LZIC: variants seen among roughly 807,000 people sequenced by gnomAD.
LZIC encodes leucine zipper and CTNNBIP1 domain containing.
In LZIC, 28 loss-of-function variants were observed where a neutral mutation model predicts 25.4. The ratio of observed to expected loss-of-function variants is 1.10; its 90% CI spans 0.82 to 1.51. LZIC has a LOEUF of 1.51. Among genes scored for constraint, LZIC ranks in the 40% most tolerant of loss-of-function variants. The pLI is 0.00. For synonymous variants in LZIC, 65 were observed against 70.7 expected (o/e 0.92, Z 0.40); for missense variants, 170 against 211.1 (o/e 0.81, Z 1.21).
At chr1:9,939,714 T>C (rs554956952) in intron 2 of LZIC, among the ~76,000 whole-genome samples, 56 of 152,306 alleles carry the variant, frequency 3.7e-4, no homozygotes, top group African/African-American at 1.3e-3. Flanking sequence ...TCTCGATAAC[T>C]GATAATGACT....
Position 9,935,611 on chromosome 1 carries a change from C to T in LZIC, c.118G>A (p.Asp40Asn), listed in dbSNP as rs777057071. The T allele has an allele frequency of 3.1e-6, 5 of 1,606,602 alleles. No homozygotes were observed. In the South Asian group the frequency reaches 5.6e-5, roughly 18 times the overall value. ...TCCTTTTTGGTTTCTTCATATTCAT[C>T]TGTATCAAGTTCCTCTCTGAAATAG... The part of the protein sequence containing the change: ...LEECREELDT[D>N]EYEETKKETL... The change falls in exon 4 of 8, where the codon GAT (aspartate) becomes AAT (asparagine). Residue 40 changes from aspartate to asparagine, a missense_variant. By Grantham distance (23) the Asp-to-Asn change is conservative. Transcript: ENST00000377223.
intron 7 of LZIC, 92 bp from the exon 8 acceptor site, chr1:9,930,549 T>C: frequency 6.5e-7 from 1 of 1,543,200 alleles, no homozygotes; most frequent in Non-Finnish European, 8.9e-7. Flanking sequence ...ATATAGATAT[T>C]AAAACAGAAA....
chr1:9,939,788 G>A (rs1042136912), intron 2 of LZIC, among the ~76,000 whole-genome samples: 1 of 152,028 alleles, frequency 6.6e-6, no homozygotes, highest in African/African-American at 2.4e-5. Flanking sequence ...TCTTCCAGAT[G>A]AATTTAACAA....
rs1293498268 is a variant in LZIC, at chr1:9,936,595, T to A, written c.25A>T (p.Thr9Ser). The A allele has an allele frequency of 6.2e-7, 1 of 1,613,250 alleles. No homozygotes were observed. The highest frequency in any genetic ancestry group is 1.1e-5 in the South Asian group (1 of 91,068). ...TCTAAATTCTGCTTTAATTTGCTTGTCTCTGTCTTTCCTCTGGAAGCCATT... is the reference window on the plus strand; with the variant it reads ...TCTAAATTCTGCTTTAATTTGCTTGACTCTGTCTTTCCTCTGGAAGCCATT... MASRGKTE[T>S]SKLKQNLEEQ... Residue 9 changes from threonine (T) to serine (S), a missense_variant, in exon 3 of 8, where the codon ACA (threonine) becomes TCA (serine). By Grantham distance (58) the Thr-to-Ser change is moderately conservative. Coordinates refer to ENST00000377223, the MANE Select transcript of LZIC (RefSeq NM_032368.5).
intron 7 of LZIC, among the ~76,000 whole-genome samples, chr1:9,931,571 C>T (rs536724450): frequency 2.6e-4 from 39 of 152,164 alleles, no homozygotes; most frequent in African/African-American, 7.7e-4. Context: ...CTTGGCCTCC[C>T]GCTTTTTAAT....
At chr1:9,932,736 G>T in intron 6 of LZIC, 67 bp downstream of exon 6, 2 of 759,146 alleles carry the variant, frequency 2.6e-6, no homozygotes, top group Non-Finnish European at 4.3e-6. Context: ...CTAGACCACA[G>T]ATCAAGATGT....
intron 4 of LZIC, 106 bp from the exon 5 acceptor site, chr1:9,934,966 G>C: frequency 1.2e-6 from 1 of 844,302 alleles, no homozygotes; most frequent in Non-Finnish European, 2.0e-6. Context: ...ACTGGTTCCT[G>C]TCATGGAAGC....
chr1:9,922,504 T>C (rs1358458424), downstream of LZIC: 6 of 179,314 alleles, frequency 3.3e-5, no homozygotes, highest in Non-Finnish European at 3.2e-5. Flanking sequence ...CCGAACCTAT[T>C]GAGGGCCTCT....
chr1:9,936,128 C>CAAA (rs5772391), intron 3 of LZIC, among the ~76,000 whole-genome samples: 1 of 131,978 alleles, frequency 7.6e-6, no homozygotes. Context: ...GACTCTGTCT[C>CAAA]AAAAAAAAAA....
At position 9,930,413 on chromosome 1, in the gene LZIC, T is replaced by C. The variant is rs776178658; in HGVS notation, c.559A>G (p.Lys187Glu). The change falls in exon 8 of 8, where the codon AAA becomes GAA. Residue 187 changes from lysine (K) to glutamate (E), a missense_variant. Coordinates refer to ENST00000377223, the MANE Select transcript of LZIC (RefSeq NM_032368.5). ...TCTGCACCATGTCATTTTTTTGTTT[T>C]TTCAACCTCAAAACTTGCCAGAGCA... ...ILALASFEVE[K>E]TKK 2 of 1,613,874 alleles carry C rather than the reference T, an allele frequency of 1.2e-6. No homozygotes were observed. The highest frequency in any genetic ancestry group is 2.2e-5 in the South Asian group (2 of 91,058).
At chr1:9,932,235 C>T (rs147742035) in intron 6 of LZIC, 1 of 316,736 alleles carries the variant, frequency 3.2e-6, no homozygotes, top group Non-Finnish European at 5.9e-6. Context: ...ATCCCAGCTA[C>T]TCAGGAGGAT....
chr1:9,934,802 G>C lies in LZIC; in HGVS notation c.296C>G (p.Ala99Gly). 6.2e-7 allele frequency: 1 copy of C among 1,614,062 alleles called. No individual in the cohort carries two copies. Among genetic ancestry groups the C allele is most frequent in the Non-Finnish European group, 8.5e-7 (1 of 1,179,970 alleles). Residue 99 changes from alanine (A) to glycine (G), a missense_variant, in exon 5 of 8, where the codon GCA becomes GGA. Transcript: ENST00000377223. ...FKTPEVIRLF[A>G]KKQPGQLRTR... ...CCGAAGCTGACCTGGTTGTTTCTTTGCAAACAATCTGATGACCTCTGGGGT... is the reference window on the plus strand; with the variant it reads ...CCGAAGCTGACCTGGTTGTTTCTTTCCAAACAATCTGATGACCTCTGGGGT...
intron 1 of LZIC, 116 bp downstream of exon 1, chr1:9,943,133 A>T (rs1039041729): frequency 9.7e-5 from 17 of 175,532 alleles, no homozygotes; most frequent in African/African-American, 4.0e-4. Context: ...ATCCCACCCC[A>T]CGCGGGAACT....
At position 9,931,954 on chromosome 1, in the gene LZIC, C is replaced by T. The variant is rs148388181; in HGVS notation, c.451G>A (p.Ala151Thr). The T allele has an allele frequency of 1.2e-5, 19 of 1,613,568 alleles. No individual in the cohort carries two copies. Among genetic ancestry groups the T allele is most frequent in the African/African-American group, 6.7e-5 (5 of 74,882 alleles). ...GCACCTGCATTTGCTGACAAGAAGG[C>T]CTCATCATCTGCAGTCAGCTAAACA... ...LGEKLTADDE[A>T]FLSANAGAIL... The change falls in exon 7 of 8, where the codon GCC (alanine) becomes ACC (threonine). Residue 151 changes from alanine to threonine, a missense_variant. Transcript: ENST00000377223.
Position 9,934,879 on chromosome 1 carries a change from A to C in LZIC, c.238-19T>G, listed in dbSNP as rs915260645. 2 of 1,559,780 alleles carry C rather than the reference A, an allele frequency of 1.3e-6. No homozygotes were observed. The highest frequency in any genetic ancestry group is 1.8e-6 in the Non-Finnish European group (2 of 1,131,556). On this transcript the variant is annotated intron_variant, in intron 4 of 7. Coordinates refer to ENST00000377223, the MANE Select transcript of LZIC (RefSeq NM_032368.5). ...GAATAGCCTAGAAACACAAGAAGGC[A>C]AAAACTAACCAAAATAGTCCAACAA...
chr1:9,931,984 GAAAC>G lies in LZIC; in HGVS notation c.433-16_433-13del, dbSNP rs1557436671. ...TCATCTGCAGTCAGCTAAACAAAAT[GAAAC>G]AAAGTCCAGTTGAGTGGGTAAATGT... On this transcript the variant is annotated splice_polypyrimidine_tract_variant and intron_variant, in intron 6 of 7. Coordinates refer to ENST00000377223, the MANE Select transcript of LZIC (RefSeq NM_032368.5). 4 of 1,598,632 alleles carry G rather than the reference GAAAC, an allele frequency of 2.5e-6. No homozygotes were observed. Among genetic ancestry groups the G allele is most frequent in the Non-Finnish European group, 3.4e-6 (4 of 1,169,956 alleles).
chr1:9,935,666 G>A (rs755843434), intron 3 of LZIC, 39 bp from the exon 4 acceptor site: 3 of 1,552,328 alleles, frequency 1.9e-6, no homozygotes, highest in Non-Finnish European at 2.6e-6. Flanking sequence ...AAAATGAAGA[G>A]TTCCAAGTGA....
chr1:9,941,700 T>C (rs986359795), intron 2 of LZIC, among the ~76,000 whole-genome samples: 3 of 151,570 alleles, frequency 2.0e-5, no homozygotes, highest in African/African-American at 7.3e-5. Context: ...GGTTTCACCA[T>C]ATTGGCCAGG....
At chr1:9,922,789 G>A (rs1639893799), downstream of LZIC, among the ~76,000 whole-genome samples, 1 of 152,208 alleles carries the variant, frequency 6.6e-6, no homozygotes, top group South Asian at 2.1e-4. Flanking sequence ...GCTTTGAGTA[G>A]GCAATTCCCA....
Sources: allele counts gnomAD v4.1 joint callset (sites outside exome capture counted in the v4.1 genomes callset), GRCh38; gene constraint gnomAD v4.1.1; transcripts MANE v1.5; gene names NCBI Gene and HGNC (gene_info 2026-07-23, HGNC 2026-07-21).